ZFP91: variants seen among roughly 807,000 people sequenced by gnomAD.
ZFP91 encodes the protein ZFP91 zinc finger protein, atypical E3 ubiquitin ligase.
ZFP91 carries 7 observed loss-of-function variants against 63.5 expected under a neutral mutation model. That is an observed-to-expected ratio of 0.11 (90% CI 0.06 to 0.21). The LOEUF is 0.21. Ranked by LOEUF, ZFP91 falls within the 10% of genes least tolerant of loss-of-function variation. The pLI is 1.00. For synonymous variants in ZFP91, 330 were observed against 272.1 expected (o/e 1.21, Z -2.10); for missense variants, 628 against 736.6 (o/e 0.85, Z 1.71).
intron 1 of ZFP91, among the ~76,000 whole-genome samples, chr11:58,581,224 CTT>C (rs1855109293): frequency 6.9e-6 from 1 of 144,886 alleles, no homozygotes; most frequent in African/African-American, 2.5e-5. Context: ...TTTTTTCACT[CTT>C]TAATATTACT....
At chr11:58,598,763 T>TGTG (rs1411827653) in intron 2 of ZFP91, among the ~76,000 whole-genome samples, 1 of 148,506 alleles carries the variant, frequency 6.7e-6, no homozygotes, top group African/African-American at 2.6e-5. Context: ...TGTGTGTGTG[T>TGTG]GTGTGTGTGT....
intron 1 of ZFP91, among the ~76,000 whole-genome samples, chr11:58,580,809 A>C (rs1392199851): frequency 6.6e-6 from 1 of 152,200 alleles, no homozygotes; most frequent in African/African-American, 2.4e-5. Flanking sequence ...TAATTTAGAG[A>C]ATTTGTTGTA....
intron 2 of ZFP91, 41 bp from the exon 3 acceptor site, chr11:58,609,789 T>C: frequency 6.4e-7 from 1 of 1,566,764 alleles, no homozygotes; most frequent in Non-Finnish European, 8.8e-7. Context: ...GGTTATTGGT[T>C]AACTGTAAAC....
intron 4 of ZFP91, 143 bp from the exon 5 acceptor site, chr11:58,610,807 T>C: frequency 1.6e-6 from 1 of 620,942 alleles, no homozygotes; most frequent in Non-Finnish European, 2.6e-6. Context: ...AACAGCTAGA[T>C]TTCAGTCCAA....
At chr11:58,612,887 CT>C in intron 8 of ZFP91, 47 bp downstream of exon 8, 1 of 1,513,500 alleles carries the variant, frequency 6.6e-7, no homozygotes, top group Non-Finnish European at 9.1e-7. Flanking sequence ...TGTTCCATTA[CT>C]TGTTCTTGCA....
intron 2 of ZFP91, among the ~76,000 whole-genome samples, chr11:58,588,615 C>T (rs535116288): frequency 2.0e-5 from 3 of 152,218 alleles, no homozygotes; most frequent in African/African-American, 7.2e-5. Context: ...CCTCTCAAAT[C>T]AGTCTCTTGT....
intron 2 of ZFP91, among the ~76,000 whole-genome samples, chr11:58,605,134 A>G (rs1855550813): frequency 6.6e-6 from 1 of 152,098 alleles, no homozygotes; most frequent in East Asian, 1.9e-4. Flanking sequence ...TGCATTTAGT[A>G]CTTTAAACTT....
Position 58,579,238 on chromosome 11 carries a change from C to T in ZFP91, c.-44C>T. ...AGCAGCGCCGAGGCCGCCGCCTCCG[C>T]CTCCGCCGCCTAGGACTAGGGGGTG... On this transcript the variant is annotated 5_prime_UTR_variant, in exon 1 of 11. Coordinates refer to ENST00000316059, the MANE Select transcript of ZFP91 (RefSeq NM_053023.5). 7.3e-7 allele frequency: 1 copy of T among 1,363,404 alleles called. No homozygotes were observed. The highest frequency in any genetic ancestry group is 9.4e-7 in the Non-Finnish European group (1 of 1,064,752). The allele number at this position is 1,363,404 out of a possible 1,614,324, so 84.5% of individuals were successfully genotyped here.
intron 2 of ZFP91, among the ~76,000 whole-genome samples, chr11:58,595,895 C>G (rs947832489): frequency 1.3e-5 from 2 of 151,990 alleles, no homozygotes; most frequent in African/African-American, 2.4e-5. Flanking sequence ...CTCTTATTGT[C>G]TCAACTCATA....
At chr11:58,613,416 A>T (rs1855699430) in intron 8 of ZFP91, among the ~76,000 whole-genome samples, 1 of 152,114 alleles carries the variant, frequency 6.6e-6, no homozygotes, top group Non-Finnish European at 1.5e-5. Context: ...CAACACTATC[A>T]CATTGGGGAT....
chr11:58,611,574 T>A (rs1477126860), intron 5 of ZFP91, 30 bp from the exon 6 acceptor site: 42 of 1,601,880 alleles, frequency 2.6e-5, no homozygotes, highest in Admixed American at 5.2e-5. Context: ...AGATCTTTTG[T>A]CTAGTATTGA....
intron 2 of ZFP91, among the ~76,000 whole-genome samples, chr11:58,598,809 CA>C (rs937416447): frequency 6.8e-6 from 1 of 147,862 alleles, no homozygotes; most frequent in Non-Finnish European, 1.5e-5. Context: ...ATTCACATAA[CA>C]AAAAAATAGT....
At chr11:58,606,737 G>A (rs1855576144) in intron 2 of ZFP91, among the ~76,000 whole-genome samples, 1 of 151,764 alleles carries the variant, frequency 6.6e-6, no homozygotes, top group Non-Finnish European at 1.5e-5. Context: ...AAAGGTTCTG[G>A]TCCTTTCGCT....
intron 2 of ZFP91, among the ~76,000 whole-genome samples, chr11:58,595,994 C>A (rs1855395161): frequency 6.6e-6 from 1 of 152,164 alleles, no homozygotes; most frequent in South Asian, 2.1e-4. Flanking sequence ...CCACCTCCCC[C>A]TCACAAACAA....
At chr11:58,600,338 A>G (rs1855473210) in intron 2 of ZFP91, among the ~76,000 whole-genome samples, 1 of 152,108 alleles carries the variant, frequency 6.6e-6, no homozygotes, top group African/African-American at 2.4e-5. Flanking sequence ...TGTAAAGGTA[A>G]TCATTTTCTT....
chr11:58,608,338 T>G (rs1473415191), intron 2 of ZFP91, among the ~76,000 whole-genome samples: 4 of 151,944 alleles, frequency 2.6e-5, no homozygotes, highest in Non-Finnish European at 5.9e-5. Flanking sequence ...GATTGTAATT[T>G]TGTAGGATAA....
intron 2 of ZFP91, among the ~76,000 whole-genome samples, chr11:58,592,542 C>T (rs1248092891): frequency 6.6e-6 from 1 of 152,070 alleles, no homozygotes; most frequent in African/African-American, 2.4e-5. Context: ...TGGGTGGAAC[C>T]AGAGGACATT....
chr11:58,580,386 G>T (rs975851460), intron 1 of ZFP91, among the ~76,000 whole-genome samples: 1 of 152,150 alleles, frequency 6.6e-6, no homozygotes, highest in African/African-American at 2.4e-5. Context: ...GTGGCCAGGA[G>T]CATTGTCTTA....
chr11:58,583,469 C>A (rs977733422), intron 1 of ZFP91, among the ~76,000 whole-genome samples: 1 of 151,882 alleles, frequency 6.6e-6, no homozygotes, highest in East Asian at 1.9e-4. Context: ...TTTTGAAGGT[C>A]ATGGATAGTG....
Sources: allele counts gnomAD v4.1 joint callset (sites outside exome capture counted in the v4.1 genomes callset), GRCh38; gene constraint gnomAD v4.1.1; transcripts MANE v1.5; gene names NCBI Gene and HGNC (gene_info 2026-07-23, HGNC 2026-07-21).